The following TMC1 variants were observed in gnomAD, a reference collection of about 807,000 sequenced individuals.
TMC1 encodes the protein transmembrane channel like 1, also known as transmembrane channel-like protein 1.
Under a neutral mutation model 105.8 loss-of-function variants are expected in TMC1, and 84 were observed. That is an observed-to-expected ratio of 0.79 (90% confidence interval 0.67 to 0.95). The LOEUF is 0.95. Ranked by LOEUF, TMC1 falls within the 40% of genes least tolerant of loss-of-function variation. The pLI is 0.00. For missense variants in TMC1, 817 were observed against 914.1 expected, an observed-to-expected ratio of 0.89 and a Z score of 1.37; for synonymous variants, 315 against 311.5, an observed-to-expected ratio of 1.01 and a Z score of -0.12.
chr9:72,671,016 A>C (rs1175361240), intron 5 of TMC1, among the ~76,000 whole-genome samples: 1 of 152,198 alleles, frequency 6.6e-6, no homozygotes, highest in Admixed American at 6.5e-5. Flanking sequence ...TATAACAAAA[A>C]ACAGATTAAT....
intron 1 of TMC1, among the ~76,000 whole-genome samples, chr9:72,540,732 A>T (rs1362874994): frequency 6.6e-6 from 1 of 152,160 alleles, no homozygotes; most frequent in African/African-American, 2.4e-5. Flanking sequence ...AGGAGAGCTC[A>T]TGCAAGTGGC....
At chr9:72,826,496 T>C (rs552186279) in intron 20 of TMC1, among the ~76,000 whole-genome samples, 2 of 152,382 alleles carry the variant, frequency 1.3e-5, no homozygotes, top group East Asian at 1.9e-4. Context: ...CCAAGGCTAA[T>C]TAAAAATACT....
intron 6 of TMC1, among the ~76,000 whole-genome samples, chr9:72,694,328 A>G (rs1826514075): frequency 1.3e-5 from 2 of 152,220 alleles, no homozygotes; most frequent in African/African-American, 2.4e-5. Context: ...CACCTATTTG[A>G]GTCGGTGAAC....
chr9:72,596,623 C>A (rs1404847399), intron 2 of TMC1, among the ~76,000 whole-genome samples: 2 of 149,994 alleles, frequency 1.3e-5, no homozygotes, highest in African/African-American at 4.9e-5. Flanking sequence ...AAAAGTTGGT[C>A]AAAGCCTCTT....
intron 1 of TMC1, among the ~76,000 whole-genome samples, chr9:72,559,259 T>A (rs1362588039): frequency 6.6e-6 from 1 of 152,144 alleles, no homozygotes; most frequent in Non-Finnish European, 1.5e-5. Flanking sequence ...CAGGCCTCAC[T>A]AATTTTTTGT....
At chr9:72,635,620 C>T (rs1206937244) in intron 4 of TMC1, among the ~76,000 whole-genome samples, 2 of 152,116 alleles carry the variant, frequency 1.3e-5, no homozygotes, top group East Asian at 3.8e-4. Flanking sequence ...CAGTCAAGCT[C>T]TCTTTTCTTG....
chr9:72,743,871 C>T (rs1365557842), intron 10 of TMC1, among the ~76,000 whole-genome samples: 39 of 152,098 alleles, frequency 2.6e-4, no homozygotes, highest in Admixed American at 2.6e-3. Context: ...AAAGGGATAA[C>T]ATTTGAAACA....
At chr9:72,790,095 C>T (rs773566962) in intron 15 of TMC1, among the ~76,000 whole-genome samples, 6 of 152,070 alleles carry the variant, frequency 3.9e-5, no homozygotes, top group Non-Finnish European at 5.9e-5. Flanking sequence ...AGTCTGTTCC[C>T]GTTCATAAAA....
At chr9:72,827,553 G>A (rs1031284248) in intron 21 of TMC1, among the ~76,000 whole-genome samples, 2 of 152,232 alleles carry the variant, frequency 1.3e-5, no homozygotes, top group Non-Finnish European at 2.9e-5. Context: ...GGAAGTTCCT[G>A]TAGTCTGTCC....
Position 72,791,927 on chromosome 9 carries a change from A to T in TMC1, c.1266A>T (p.Thr422=). Residue 422 remains threonine (T), a synonymous_variant, in exon 16 of 24, where the codon ACA becomes ACT. Transcript: ENST00000297784. ...VMSLLGMFCP[T]LFDLFAELED... ...CCCTCCTAGGGATGTTCTGTCCAACATTGTTTGACTTATTTGCTGAATTAG... is the reference window on the plus strand; with the variant it reads ...CCCTCCTAGGGATGTTCTGTCCAACTTTGTTTGACTTATTTGCTGAATTAG... The T allele has an allele frequency of 6.2e-7, 1 of 1,613,608 alleles. No individual in the cohort carries two copies. Among genetic ancestry groups the T allele is most frequent in the Non-Finnish European group, 8.5e-7 (1 of 1,179,940 alleles).
intron 1 of TMC1, among the ~76,000 whole-genome samples, chr9:72,563,368 A>G (rs7861370): frequency 0.53 from 80,505 of 151,980 alleles, 22,407 homozygotes; most frequent in African/African-American, 0.71. Context: ...TGGGTTGGAG[A>G]TTGATAAGAG....
intron 19 of TMC1, chr9:72,818,769 A>G (rs1447192000): frequency 2.6e-5 from 4 of 152,214 alleles, no homozygotes; most frequent in Non-Finnish European, 4.4e-5. Flanking sequence ...TAGTGAGCCG[A>G]GCTGATTAGT....
At chr9:72,712,727 A>T (rs372822547) in intron 8 of TMC1, among the ~76,000 whole-genome samples, 153 of 152,266 alleles carry the variant, frequency 1.0e-3, no homozygotes, top group African/African-American at 3.3e-3. Context: ...AGACAATGTG[A>T]CTTCCTCTTT....
Position 72,567,276 on chromosome 9 carries a change from G to C in TMC1, c.-427-10626G>C, listed in dbSNP as rs149504424. On this transcript the variant is annotated intron_variant, in intron 1 of 23. Coordinates refer to ENST00000297784, the MANE Select transcript of TMC1 (RefSeq NM_138691.3). Reference sequence around the variant, plus strand: ...CGGTCTCGTATTTGTCTGCTTACTTGTCTGTATTCTTCACTTCTCAAATAT... The same window carrying C: ...CGGTCTCGTATTTGTCTGCTTACTTCTCTGTATTCTTCACTTCTCAAATAT... 2.7e-3 allele frequency among the ~76,000 whole-genome samples: 416 copies of C among 152,218 alleles called. 5 individuals are homozygous for C. Among genetic ancestry groups the C allele is most frequent in the African/African-American group, 9.6e-3 (398 of 41,524 alleles).
chr9:72,713,255 C>A (rs1240764978), intron 8 of TMC1, among the ~76,000 whole-genome samples: 2 of 152,040 alleles, frequency 1.3e-5, no homozygotes, highest in African/African-American at 4.8e-5. Flanking sequence ...TGTGTCTCTG[C>A]CAGGTTTTGC....
At chr9:72,835,861 A>T (rs528171532) in intron 23 of TMC1, 90 bp from the exon 24 acceptor site, 1 of 1,477,826 alleles carries the variant, frequency 6.8e-7, no homozygotes, top group African/African-American at 1.4e-5. Flanking sequence ...CATTAAGCAC[A>T]CTGAAAGCTA....
At chr9:72,631,764 G>T (rs1825455680) in intron 4 of TMC1, among the ~76,000 whole-genome samples, 1 of 152,126 alleles carries the variant, frequency 6.6e-6, no homozygotes, top group South Asian at 2.1e-4. Context: ...CTGAGCATGT[G>T]TGTCATTGTC....
At chr9:72,771,193 G>C (rs1827919317) in intron 12 of TMC1, among the ~76,000 whole-genome samples, 1 of 152,182 alleles carries the variant, frequency 6.6e-6, no homozygotes, top group African/African-American at 2.4e-5. Context: ...AAGCACACAA[G>C]TTCCTCTGAG....
intron 1 of TMC1, among the ~76,000 whole-genome samples, chr9:72,546,153 C>T (rs531676109): frequency 4.6e-5 from 7 of 151,646 alleles, no homozygotes; most frequent in African/African-American, 1.5e-4. Flanking sequence ...ATTAGCCCGG[C>T]GTGGTGGTGC....
Sources: gnomAD v4.1 joint callset for allele counts (sites outside exome capture counted in the v4.1 genomes callset) on GRCh38, gnomAD v4.1.1 for gene constraint, MANE v1.5 for transcripts, NCBI Gene and HGNC (gene_info 2026-07-23, HGNC 2026-07-21) for gene names.